Variants in KDM5C observed in about 807,000 individuals in gnomAD.
The protein encoded by KDM5C is lysine demethylase 5C.
In KDM5C, 16 loss-of-function variants were observed where a neutral mutation model predicts 110.6. The observed-to-expected ratio is 0.14, with a 90% CI of 0.10 to 0.22. The LOEUF is 0.22. KDM5C is among the 10% of genes least tolerant of loss of function. The pLI, the probability that KDM5C is intolerant of heterozygous loss-of-function variation, is 1.00. For synonymous variants in KDM5C, 511 were observed against 520.4 expected, an observed-to-expected ratio of 0.98 and a Z score of 0.24; for missense variants, 681 against 1,300.9, an observed-to-expected ratio of 0.52 and a Z score of 7.33.
At chrX:53,185,939 G>A (rs896952103) in intron 25 of KDM5C, among the ~76,000 whole-genome samples, 1 of 111,901 alleles carries the variant, frequency 8.9e-6, no homozygotes, top group Non-Finnish European at 1.9e-5. Context: ...CTTTTCACAA[G>A]TGTGTATGGC....
rs139444870 is a variant in KDM5C at position 53,198,510 on chromosome X, C to G, written c.2496G>C (p.Leu832=). The G allele has an allele frequency of 3.3e-6, 4 of 1,203,873 alleles. No individual in the cohort carries two copies. Among genetic ancestry groups the G allele is most frequent in the Non-Finnish European group, 4.5e-6 (4 of 891,873 alleles). Residue 832 remains leucine (L), a synonymous_variant, in exon 17 of 26, where the codon CTG becomes CTC. Transcript: ENST00000375401. Reference sequence around the variant, plus strand: ...CATACCCAGCTTCCTGGCCGCTGACCAGTCCCAGAGCTCGGGACACGCAAG... The same window carrying G: ...CATACCCAGCTTCCTGGCCGCTGACGAGTCCCAGAGCTCGGGACACGCAAG... The part of the protein sequence containing the change: ...AEACVSRALG[L]VSGQEAGPHR...
At chrX:53,197,999 G>C (rs1315320941) in intron 17 of KDM5C, 123 bp from the exon 18 acceptor site, 9 of 549,876 alleles carry the variant, frequency 1.6e-5, no homozygotes, top group Non-Finnish European at 2.8e-5. Context: ...TTTCAAATTT[G>C]CCCCAATTGC....
Position 53,199,042 on chromosome X carries a change from G to A in KDM5C, c.2178C>T (p.Asp726=), listed in dbSNP as rs375715339. Residue 726 remains aspartate (D), a synonymous_variant, in exon 15 of 26, where the codon GAC becomes GAT. Transcript: ENST00000375401. ...TGATGTGGGAAAGGCAGACAAGGCC[G>A]TCTGGGCAGTCGTAGCAGGCCAGGG... ...LSALACYDCP[D]GLVCLSHIND... 5 of 1,210,681 alleles carry A rather than the reference G, an allele frequency of 4.1e-6. No homozygotes were observed. Among genetic ancestry groups the A allele is most frequent in the African/African-American group, 1.7e-5 (1 of 57,404 alleles).
chrX:53,187,732 C>T (rs947328428), downstream of KDM5C, among the ~76,000 whole-genome samples: 1 of 105,842 alleles, frequency 9.4e-6, no homozygotes, highest in Non-Finnish European at 1.9e-5. Flanking sequence ...AAGATCTCGT[C>T]TCTATAACAA....
At position 53,214,654 on chromosome X, in the gene KDM5C, C is replaced by A. The variant is rs782163641; in HGVS notation, c.1122+35G>T. 1.4e-5 allele frequency: 17 copies of A among 1,186,963 alleles called. No homozygotes were observed. The South Asian group carries it at 2.8e-4, about 19-fold the overall frequency. ...GGCCAGATGAAGGAAGGCAAGGAAG[C>A]CCTATGAGGCAGATGTGGAGTGGGG... On this transcript the variant is annotated intron_variant, in intron 8 of 25. Transcript: ENST00000375401.
Position 53,193,640 on chromosome X carries a change from G to A in KDM5C, c.4118-4C>T. ...AGCGAGGACAGCAGCTCCAGATCTA[G>A]GAGGTTGCAGGAACAAGCGGCATTA... On this transcript the variant is annotated splice_polypyrimidine_tract_variant and splice_region_variant and intron_variant, in intron 24 of 25. Transcript: ENST00000375401. The A allele has an allele frequency of 8.3e-7, 1 of 1,210,737 alleles. No individual in the cohort carries two copies. Among genetic ancestry groups the A allele is most frequent in the Non-Finnish European group, 1.1e-6 (1 of 894,513 alleles).
At chrX:53,209,202 A>T (rs1285729818) in intron 12 of KDM5C, among the ~76,000 whole-genome samples, 1 of 110,703 alleles carries the variant, frequency 9.0e-6, no homozygotes, top group East Asian at 2.8e-4. Flanking sequence ...AAGTCTAAGG[A>T]AAGTCAGACC....
downstream of KDM5C, among the ~76,000 whole-genome samples, chrX:53,190,649 G>A (rs1271861678): frequency 5.4e-5 from 6 of 111,545 alleles, no homozygotes; most frequent in Admixed American, 2.8e-4. Flanking sequence ...AGCTGGACCC[G>A]GCAGGGTTGT....
At position 53,224,977 on chromosome X, in the gene KDM5C, T is replaced by G. The variant is rs2146979581; in HGVS notation, c.-88A>C. On this transcript the variant is annotated 5_prime_UTR_variant, in exon 1 of 26. Transcript: ENST00000375401. ...CCGCCGCTGTTTGAAGCCGAGGCAATGCTCGGAGGCTAGGCCCTAAGCGGG... is the reference window on the plus strand; with the variant it reads ...CCGCCGCTGTTTGAAGCCGAGGCAAGGCTCGGAGGCTAGGCCCTAAGCGGG... 9.5e-7 allele frequency: 1 copy of G among 1,048,510 alleles called. No homozygotes were observed. 86.4% of individuals were successfully genotyped at this position (1,048,510 alleles called of 1,213,427 possible).
intron 25 of KDM5C, among the ~76,000 whole-genome samples, chrX:53,186,067 A>C (rs1459226627): frequency 9.0e-6 from 1 of 111,709 alleles, no homozygotes; most frequent in East Asian, 2.8e-4. Flanking sequence ...ATTAATGTTA[A>C]TCTCTGGTGA....
In KDM5C at chrX:53,195,948, G is replaced by C. The variant is rs782388435; in HGVS notation, c.3088C>G (p.Arg1030Gly). The change falls in exon 20 of 26, where the codon CGG (arginine) becomes GGG (glycine). Residue 1030 changes from arginine to glycine, a missense_variant. Physicochemically the swap from Arg to Gly is moderately radical, Grantham distance 125 (BLOSUM62 -2). Coordinates refer to ENST00000375401, the MANE Select transcript of KDM5C (RefSeq NM_004187.5). The part of the protein sequence containing the change: ...QALKEALAKA[R>G]AWIADVDEIQ... ...TCATCAACATCAGCAATCCAGGCCC[G>C]GGCCTTAGCAAGAGCCTCCTTGAGA... 2 of 1,209,098 alleles carry C rather than the reference G, an allele frequency of 1.7e-6. No individual in the cohort carries two copies. Among genetic ancestry groups the C allele is most frequent in the South Asian group, 1.8e-5 (1 of 56,410 alleles).
intron 12 of KDM5C, among the ~76,000 whole-genome samples, chrX:53,208,555 G>GAAT (rs1556847121): frequency 1.1e-5 from 1 of 90,255 alleles, no homozygotes; most frequent in Non-Finnish European, 2.1e-5. Context: ...GCCCAGGCTG[G>GAAT]AATGCAATGG....
intron 1 of KDM5C, among the ~76,000 whole-genome samples, chrX:53,224,411 C>T (rs1251655986): frequency 8.9e-6 from 1 of 111,907 alleles, no homozygotes; most frequent in Non-Finnish European, 1.9e-5. Context: ...CTTATTTTTA[C>T]AGCCTCGACC....
chrX:53,201,655 A>G lies in KDM5C; in HGVS notation c.1956T>C (p.Ala652=), dbSNP rs2073142637. ...TCAGGTCTAGCTTCTCTGGGCAGGC[A>G]GCCATCTTGCAGATAAGCTCCTCAT... ...FSHEELICKM[A]ACPEKLDLNL... Residue 652 remains alanine, a synonymous_variant, in exon 14 of 26, where the codon GCT becomes GCC. Transcript: ENST00000375401. 1 of 1,212,126 alleles carries G rather than the reference A, an allele frequency of 8.2e-7. No individual in the cohort carries two copies. Among genetic ancestry groups the G allele is most frequent in the Non-Finnish European group, 1.1e-6 (1 of 895,542 alleles).
At chrX:53,221,789 C>G (rs1556854821) in intron 1 of KDM5C, 1 of 946,410 alleles carries the variant, frequency 1.1e-6, no homozygotes, top group Admixed American at 3.1e-5. Flanking sequence ...TGCTGGGATG[C>G]CTGACTGTGG....
chrX:53,212,306 CTTTT>C (rs1188707416), intron 8 of KDM5C: 174 of 133,962 alleles, frequency 1.3e-3, no homozygotes, highest in East Asian at 2.9e-3. Context: ...AAATGTGATT[CTTTT>C]TTTTTTTTTT....
chrX:53,182,019 A>T (rs1158127826), intron 25 of KDM5C, among the ~76,000 whole-genome samples: 3 of 109,995 alleles, frequency 2.7e-5, no homozygotes, highest in Non-Finnish European at 3.8e-5. Context: ...CGATCCCCTG[A>T]CCTCGTGATT....
intron 14 of KDM5C, among the ~76,000 whole-genome samples, chrX:53,199,645 C>T (rs782210822): frequency 8.9e-6 from 1 of 111,887 alleles, no homozygotes; most frequent in East Asian, 2.8e-4. Context: ...GAAATTCAAC[C>T]GTATGTGCTT....
In KDM5C at chrX:53,217,928, C is replaced by T. The variant is rs782579827; in HGVS notation, c.390G>A (p.Lys130=). The T allele has an allele frequency of 8.3e-7, 1 of 1,211,524 alleles. No homozygotes were observed. Among genetic ancestry groups the T allele is most frequent in the Admixed American group, 2.2e-5 (1 of 46,029 alleles). ...VEEGGYEAIC[K]DRRWARVAQR... ...GGGCTACCCGAGCCCACCGACGGTCCTTGCAGATAGCTTCATAACCACCTT... is the reference window on the plus strand; with the variant it reads ...GGGCTACCCGAGCCCACCGACGGTCTTTGCAGATAGCTTCATAACCACCTT... The change falls in exon 4 of 26, where the codon AAG becomes AAA. Residue 130 remains lysine (K), a synonymous_variant. Transcript: ENST00000375401.
Sources: allele counts gnomAD v4.1 joint callset (sites outside exome capture counted in the v4.1 genomes callset), GRCh38; gene constraint gnomAD v4.1.1; transcripts MANE v1.5; gene names NCBI Gene and HGNC (gene_info 2026-07-23, HGNC 2026-07-21).